TNR: variants seen among roughly 807,000 people sequenced by gnomAD.
TNR encodes the protein tenascin-R.
In TNR, 45 loss-of-function variants were observed where a neutral mutation model predicts 150.4. The ratio of observed to expected loss-of-function variants is 0.30; its 90% CI spans 0.24 to 0.38. The LOEUF (loss-of-function observed/expected upper bound fraction) is 0.38. Among genes scored for constraint, TNR ranks in the 10% least tolerant of loss-of-function variants. TNR has a pLI of 1.00. For missense variants in TNR, 1,544 were observed against 1,759.1 expected (o/e 0.88, Z 2.19); for synonymous variants, 687 against 678.4 (o/e 1.01, Z -0.20).
intron 1 of TNR, among the ~76,000 whole-genome samples, chr1:175,547,951 G>T (rs781762276): frequency 6.6e-6 from 1 of 152,198 alleles, no homozygotes; most frequent in African/African-American, 2.4e-5. Flanking sequence ...TTTAAGTATG[G>T]ATCTAACATG....
chr1:175,366,817 C>T (rs1651859873), intron 10 of TNR, among the ~76,000 whole-genome samples: 1 of 152,242 alleles, frequency 6.6e-6, no homozygotes, highest in Admixed American at 6.5e-5. Flanking sequence ...TAGACCTTCA[C>T]CCAAGTGGCG....
intron 1 of TNR, among the ~76,000 whole-genome samples, chr1:175,733,799 G>C (rs1046515030): frequency 7.2e-5 from 11 of 152,070 alleles, no homozygotes; most frequent in African/African-American, 2.7e-4. Context: ...TTAAGCCCTT[G>C]GCATGATTTG....
At chr1:175,622,172 A>C (rs181418572) in intron 1 of TNR, among the ~76,000 whole-genome samples, 1 of 152,324 alleles carries the variant, frequency 6.6e-6, no homozygotes, top group Non-Finnish European at 1.5e-5. Context: ...CTAAATAAAT[A>C]TTTGGGAAAT....
chr1:175,429,561 T>C (rs1446304467), intron 2 of TNR, among the ~76,000 whole-genome samples: 1 of 152,166 alleles, frequency 6.6e-6, no homozygotes, highest in East Asian at 1.9e-4. Flanking sequence ...TACATGAAAA[T>C]ACTAGTATCT....
intron 1 of TNR, among the ~76,000 whole-genome samples, chr1:175,554,916 A>G (rs1661090515): frequency 6.6e-6 from 1 of 152,234 alleles, no homozygotes; most frequent in Non-Finnish European, 1.5e-5. Flanking sequence ...TGTGGTGCAC[A>G]GTGAATGGTT....
At chr1:175,390,021 G>T (rs1408312093) in intron 7 of TNR, among the ~76,000 whole-genome samples, 1 of 152,056 alleles carries the variant, frequency 6.6e-6, no homozygotes, top group Non-Finnish European at 1.5e-5. Flanking sequence ...GTCCTGGTTG[G>T]AGGCATGAAA....
chr1:175,384,619 G>GTCTCTCTTT (rs1652841899), intron 8 of TNR, among the ~76,000 whole-genome samples: 2 of 152,192 alleles, frequency 1.3e-5, no homozygotes, highest in Non-Finnish European at 2.9e-5. Flanking sequence ...TGGAGAAAAT[G>GTCTCTCTTT]AGCTTACCTA....
chr1:175,502,410 T>C (rs1336018469), intron 2 of TNR, among the ~76,000 whole-genome samples: 1 of 152,138 alleles, frequency 6.6e-6, no homozygotes, highest in African/African-American at 2.4e-5. Context: ...GAGGAAACTT[T>C]CCCATGCAAG....
At chr1:175,658,444 G>A (rs1382079057) in intron 1 of TNR, among the ~76,000 whole-genome samples, 2 of 152,152 alleles carry the variant, frequency 1.3e-5, no homozygotes, top group Non-Finnish European at 2.9e-5. Flanking sequence ...CAAGTGGTAT[G>A]CTGCTAAGGC....
At chr1:175,559,962 G>A (rs369368374) in intron 1 of TNR, among the ~76,000 whole-genome samples, 2 of 152,190 alleles carry the variant, frequency 1.3e-5, no homozygotes, top group African/African-American at 4.8e-5. Flanking sequence ...CTGGTCCAGG[G>A]AAATGAGATG....
At chr1:175,615,137 T>C (rs1482664850) in intron 1 of TNR, among the ~76,000 whole-genome samples, 1 of 152,236 alleles carries the variant, frequency 6.6e-6, no homozygotes, top group Non-Finnish European at 1.5e-5. Context: ...CTAAGAGGGC[T>C]GCTGAAAGAA....
chr1:175,363,972 A>G (rs996975688), intron 12 of TNR, 145 bp from the exon 13 acceptor site: 39 of 996,698 alleles, frequency 3.9e-5, no homozygotes, highest in Non-Finnish European at 5.2e-5. Context: ...TCTTAAAACC[A>G]TGGTCACGCT....
At chr1:175,657,380 G>A (rs1665211041) in intron 1 of TNR, among the ~76,000 whole-genome samples, 1 of 152,128 alleles carries the variant, frequency 6.6e-6, no homozygotes, top group Admixed American at 6.5e-5. Context: ...CAGGGATCTA[G>A]AACTAGAAAT....
intron 2 of TNR, among the ~76,000 whole-genome samples, chr1:175,525,723 T>A (rs1659822856): frequency 6.6e-6 from 1 of 152,254 alleles, no homozygotes; most frequent in Non-Finnish European, 1.5e-5. Flanking sequence ...ACCTGAGTGC[T>A]AATGCTCAAG....
At chr1:175,709,342 C>T (rs1292312229) in intron 1 of TNR, among the ~76,000 whole-genome samples, 8 of 151,658 alleles carry the variant, frequency 5.3e-5, no homozygotes, top group South Asian at 2.1e-4. Context: ...CACACACACA[C>T]GCACTTCCAA....
At chr1:175,503,467 T>C (rs546491520) in intron 2 of TNR, among the ~76,000 whole-genome samples, 2 of 152,264 alleles carry the variant, frequency 1.3e-5, no homozygotes, top group East Asian at 3.9e-4. Flanking sequence ...GCTGTACAGA[T>C]GAAAGGTATT....
rs193151519 is a variant in TNR, at chr1:175,654,681, G to T, written c.-165+88545C>A. ...GTCAAACTCTCTAAAAATCTATCTC[G>T]GTGAATGTCTTCCACTATCTCCAAC... is the stretch of plus-strand genomic sequence containing the variant. On this transcript the variant is annotated intron_variant, in intron 1 of 22. Transcript: ENST00000367674. 1.3e-4 allele frequency among the ~76,000 whole-genome samples: 19 copies of T among 149,650 alleles called. No individual in the cohort carries two copies. The South Asian group carries it at 3.8e-3, about 30-fold the overall frequency.
At chr1:175,579,923 T>C (rs16848701) in intron 1 of TNR, among the ~76,000 whole-genome samples, 3,949 of 152,148 alleles carry the variant, frequency 0.026, 160 homozygotes, top group African/African-American at 0.089. Flanking sequence ...AAGGAGGCTA[T>C]TGGTCCCCAT....
intron 2 of TNR, among the ~76,000 whole-genome samples, chr1:175,422,948 A>G (rs1192564440): frequency 6.6e-6 from 1 of 152,102 alleles, no homozygotes; most frequent in African/African-American, 2.4e-5. Context: ...TCCATCAGGG[A>G]GATTCTAGAG....
Sources: gnomAD v4.1 joint callset for allele counts (sites outside exome capture counted in the v4.1 genomes callset) on GRCh38, gnomAD v4.1.1 for gene constraint, MANE v1.5 for transcripts, NCBI Gene and HGNC (gene_info 2026-07-23, HGNC 2026-07-21) for gene names.